Variants in TENM2 observed in about 807,000 individuals in gnomAD.
TENM2 encodes the protein teneurin transmembrane protein 2, also known as teneurin-2.
In TENM2, 52 loss-of-function variants were observed where a neutral mutation model predicts 245.2. The observed-to-expected ratio is 0.21, with a 90% confidence interval of 0.17 to 0.27. TENM2 has a LOEUF of 0.27. Among genes scored for constraint, TENM2 ranks in the 10% least tolerant of loss-of-function variants. The pLI, the probability that TENM2 is intolerant of heterozygous loss-of-function variation, is 1.00. For synonymous variants in TENM2, 1,363 were observed against 1,438.9 expected, an observed-to-expected ratio of 0.95 and a Z score of 1.19; for missense variants, 3,046 against 3,666.8, an observed-to-expected ratio of 0.83 and a Z score of 4.37.
the TENM2 span, among the ~76,000 whole-genome samples, chr5:167,000,274 A>T: frequency 1.3e-5 from 2 of 152,222 alleles, no homozygotes; most frequent in African/African-American, 4.8e-5. Flanking sequence ...TCAAGAAAAA[A>T]ACATTCTATC....
intron 5 of TENM2, among the ~76,000 whole-genome samples, chr5:168,027,006 G>A (rs988284174): frequency 6.6e-6 from 1 of 152,138 alleles, no homozygotes; most frequent in Non-Finnish European, 1.5e-5. Flanking sequence ...GACCATGTCA[G>A]CAAGAATAAA....
the TENM2 span, among the ~76,000 whole-genome samples, chr5:167,106,426 A>G: frequency 6.6e-6 from 1 of 152,240 alleles, no homozygotes; most frequent in African/African-American, 2.4e-5. Context: ...AAATACAGAT[A>G]GCATGTTGAG....
chr5:168,261,878 T>C (rs1477890026), intron 28 of TENM2, among the ~76,000 whole-genome samples, 171 bp from the exon 31 acceptor site: 2 of 152,190 alleles, frequency 1.3e-5, no homozygotes, highest in African/African-American at 4.8e-5. Context: ...AGAGCACTGG[T>C]AATCAACCAG....
chr5:167,073,363 G>C, the TENM2 span, among the ~76,000 whole-genome samples: 1 of 152,244 alleles, frequency 6.6e-6, no homozygotes, highest in South Asian at 2.1e-4. Context: ...TTTGGTGAGT[G>C]GAATCATAGC....
At chr5:168,198,246 A>G (rs1054351350) in intron 15 of TENM2, among the ~76,000 whole-genome samples, 23 of 123,884 alleles carry the variant, frequency 1.9e-4, no homozygotes, top group African/African-American at 7.1e-4. Context: ...CCCAGGCTGG[A>G]GTACAGTGGC....
chr5:167,562,886 G>A (rs573159952), intron 2 of TENM2, among the ~76,000 whole-genome samples: 2 of 151,658 alleles, frequency 1.3e-5, no homozygotes, highest in East Asian at 3.9e-4. Context: ...GAACCTGGGA[G>A]GCGGAGGTTG....
At chr5:168,236,983 TATATATATATATATATA>T (rs1423200339) in intron 25 of TENM2, among the ~76,000 whole-genome samples, 41 of 6,116 alleles carry the variant, frequency 6.7e-3, no homozygotes, top group East Asian at 0.015. Flanking sequence ...TATATATATA[TATATATATATATATATA>T]TTTTTTTTTT....
At chr5:168,130,154 G>A (rs1399876073) in intron 12 of TENM2, 1 of 152,232 alleles carries the variant, frequency 6.6e-6, no homozygotes, top group Admixed American at 6.5e-5. Context: ...ACTTAGTCAG[G>A]TGGAAGCCCC....
At chr5:167,730,038 T>C (rs1392501912) in intron 2 of TENM2, among the ~76,000 whole-genome samples, 1 of 152,130 alleles carries the variant, frequency 6.6e-6, no homozygotes, top group Admixed American at 6.5e-5. Context: ...TTCTTATGGG[T>C]CTGAGTTTTT....
intron 2 of TENM2, among the ~76,000 whole-genome samples, chr5:167,484,364 T>C (rs1179393693): frequency 6.6e-6 from 1 of 152,110 alleles, no homozygotes; most frequent in Non-Finnish European, 1.5e-5. Flanking sequence ...TTAATCTCAC[T>C]GATGTCTTTA....
the TENM2 span, among the ~76,000 whole-genome samples, chr5:167,243,589 A>C: frequency 6.6e-6 from 1 of 152,124 alleles, no homozygotes; most frequent in Non-Finnish European, 1.5e-5. Context: ...TGAAGGCTGC[A>C]TTGCTAGTTT....
intron 2 of TENM2, among the ~76,000 whole-genome samples, chr5:167,613,659 A>T (rs938178971): frequency 2.0e-5 from 3 of 152,104 alleles, no homozygotes; most frequent in African/African-American, 7.2e-5. Flanking sequence ...CAGGTCACAG[A>T]AAGCCAAGTT....
At chr5:167,346,036 G>A (rs908044009) in intron 1 of TENM2, among the ~76,000 whole-genome samples, 3 of 152,124 alleles carry the variant, frequency 2.0e-5, no homozygotes, top group Non-Finnish European at 2.9e-5. Context: ...TTTGCCAGGG[G>A]TGGGACAGAA....
Position 167,782,313 on chromosome 5 carries a change from C to CAAAAAAA in TENM2, c.503-93653_503-93647dup, listed in dbSNP as rs767675565. Among the ~76,000 whole-genome samples the CAAAAAAA allele has an allele frequency of 5.5e-3, 322 of 58,732 alleles. 5 individuals carry two copies. Among genetic ancestry groups the CAAAAAAA allele is most frequent in the Middle Eastern group, 0.011 (1 of 94 alleles). The allele number at this position is 58,732 out of a possible 152,430, so 38.5% of individuals were successfully genotyped here. On this transcript the variant is annotated intron_variant, in intron 2 of 28. Coordinates refer to ENST00000518659, the Ensembl canonical transcript of TENM2. The stretch of plus-strand genomic sequence containing the variant: ...GGGCAACAAGAGCAAAACTCTGTCT[C>CAAAAAAA]AAAAAAAAAAAAAAAAAAAAAAAAA...
At chr5:167,385,834 A>G (rs981812543) in intron 2 of TENM2, among the ~76,000 whole-genome samples, 1 of 145,190 alleles carries the variant, frequency 6.9e-6, no homozygotes, top group African/African-American at 2.6e-5. Context: ...TTTGTGGCTG[A>G]GTAGTATTCC....
At chr5:167,112,147 C>T in the TENM2 span, among the ~76,000 whole-genome samples, 6 of 152,198 alleles carry the variant, frequency 3.9e-5, no homozygotes, top group Non-Finnish European at 7.4e-5. Flanking sequence ...GTTTTCCTGG[C>T]GACAACTTCA....
intron 24 of TENM2, 149 bp from the exon 27 acceptor site, chr5:168,227,746 T>G: frequency 3.6e-6 from 2 of 559,588 alleles, no homozygotes; most frequent in Non-Finnish European, 6.5e-6. Context: ...TCACATGGTA[T>G]GTATGTGTGC....
At chr5:166,995,821 A>G in the TENM2 span, among the ~76,000 whole-genome samples, 1 of 149,396 alleles carries the variant, frequency 6.7e-6, no homozygotes, top group Non-Finnish European at 1.5e-5. Flanking sequence ...TCTCAAAAAA[A>G]AAAAAAAAAA....
intron 3 of TENM2, among the ~76,000 whole-genome samples, chr5:167,919,819 C>A (rs1777213830): frequency 6.6e-6 from 1 of 152,206 alleles, no homozygotes; most frequent in Non-Finnish European, 1.5e-5. Context: ...CTGGAGAACA[C>A]TCTTAGAGGA....
Sources: gnomAD v4.1 joint callset for allele counts (sites outside exome capture counted in the v4.1 genomes callset) on GRCh38, gnomAD v4.1.1 for gene constraint, MANE v1.5 for transcripts, NCBI Gene and HGNC (gene_info 2026-07-23, HGNC 2026-07-21) for gene names.